ALK: variants seen among roughly 807,000 people sequenced by gnomAD.
ALK encodes the protein ALK receptor tyrosine kinase.
Under a neutral mutation model 163.1 loss-of-function variants are expected in ALK, and 74 were observed. The observed-to-expected ratio is 0.45, with a 90% CI of 0.38 to 0.55. The LOEUF is 0.55. Among genes scored for constraint, ALK ranks in the 20% least tolerant of loss-of-function variants. The pLI is 0.00. For missense variants in ALK, 2,063 were observed against 2,105.3 expected, an observed-to-expected ratio of 0.98 and a Z score of 0.39; for synonymous variants, 960 against 843.2, an observed-to-expected ratio of 1.14 and a Z score of -2.40.
At chr2:29,498,368 T>C (rs1189262759) in intron 4 of ALK, among the ~76,000 whole-genome samples, 1 of 121,534 alleles carries the variant, frequency 8.2e-6, no homozygotes, top group Non-Finnish European at 1.9e-5. Flanking sequence ...TTTTGAACTG[T>C]GATTTTTTTT....
At chr2:29,382,868 A>C (rs1387488174) in intron 5 of ALK, among the ~76,000 whole-genome samples, 1 of 152,234 alleles carries the variant, frequency 6.6e-6, no homozygotes, top group Non-Finnish European at 1.5e-5. Flanking sequence ...AAAATACACT[A>C]TAAAATTTCC....
intron 1 of ALK, among the ~76,000 whole-genome samples, chr2:29,818,498 G>T (rs1223843368): frequency 6.6e-6 from 1 of 152,268 alleles, no homozygotes; most frequent in East Asian, 1.9e-4. Flanking sequence ...CCAACACGCT[G>T]GCTGGGAACA....
At chr2:29,827,912 A>G (rs1378001089) in intron 1 of ALK, among the ~76,000 whole-genome samples, 1 of 152,248 alleles carries the variant, frequency 6.6e-6, no homozygotes, top group Admixed American at 6.5e-5. Flanking sequence ...TCTGACTTCA[A>G]ACTATACTAC....
chr2:29,866,586 C>T (rs1281495544), intron 1 of ALK, among the ~76,000 whole-genome samples: 2 of 152,174 alleles, frequency 1.3e-5, no homozygotes, highest in Non-Finnish European at 2.9e-5. Flanking sequence ...GTTCCATTTA[C>T]AGGCTATACT....
At chr2:29,656,910 AC>A (rs1338551237) in intron 3 of ALK, among the ~76,000 whole-genome samples, 1 of 152,018 alleles carries the variant, frequency 6.6e-6, no homozygotes, top group Middle Eastern at 3.2e-3. Flanking sequence ...AAAACTCAGA[AC>A]CTTTTTTCCT....
chr2:29,458,360 C>T (rs1421994503), intron 4 of ALK, among the ~76,000 whole-genome samples: 2 of 152,086 alleles, frequency 1.3e-5, no homozygotes, highest in African/African-American at 4.8e-5. Flanking sequence ...TTCAGAGACG[C>T]TATGTTGTAA....
chr2:29,684,087 T>C (rs569587348), intron 3 of ALK, among the ~76,000 whole-genome samples: 1 of 152,296 alleles, frequency 6.6e-6, no homozygotes, highest in Non-Finnish European at 1.5e-5. Context: ...TTATTCTTTC[T>C]TGCAAGGTCC....
At chr2:29,463,766 A>C (rs1282660818) in intron 4 of ALK, among the ~76,000 whole-genome samples, 1 of 152,182 alleles carries the variant, frequency 6.6e-6, no homozygotes, top group Admixed American at 6.5e-5. Flanking sequence ...CGTCCCCTTG[A>C]GTCTTTGGCT....
At chr2:29,739,319 G>A (rs760791933) in intron 1 of ALK, among the ~76,000 whole-genome samples, 24 of 149,676 alleles carry the variant, frequency 1.6e-4, no homozygotes, top group Non-Finnish European at 3.4e-4. Context: ...CAGCACGCTG[G>A]GAGCCCAAGG....
At chr2:29,358,950 T>C (rs959695850) in intron 5 of ALK, among the ~76,000 whole-genome samples, 1 of 152,134 alleles carries the variant, frequency 6.6e-6, no homozygotes, top group South Asian at 2.1e-4. Context: ...CAGCACAGGA[T>C]TTTTCCACTA....
At chr2:29,916,550 G>A (rs1031816221) in intron 1 of ALK, among the ~76,000 whole-genome samples, 1 of 152,122 alleles carries the variant, frequency 6.6e-6, no homozygotes, top group East Asian at 1.9e-4. Flanking sequence ...TGCTCTCTCT[G>A]CCCACTCCAG....
chr2:29,834,839 A>G (rs1665515104), intron 1 of ALK, among the ~76,000 whole-genome samples: 1 of 152,228 alleles, frequency 6.6e-6, no homozygotes, highest in Non-Finnish European at 1.5e-5. Context: ...ATCTGCCTTC[A>G]GCACTAACAG....
chr2:29,200,975 T>C (rs997517631), intron 26 of ALK, among the ~76,000 whole-genome samples: 12 of 151,678 alleles, frequency 7.9e-5, no homozygotes, highest in Non-Finnish European at 1.8e-4. Context: ...CTGTTAAACA[T>C]TTGAATCGAT....
rs545625315 is a variant in ALK at position 29,513,057 on chromosome 2, GA to G, written c.1154+18857del. On this transcript the variant is annotated intron_variant, in intron 4 of 28. Coordinates refer to ENST00000389048, the MANE Select transcript of ALK (RefSeq NM_004304.5). ...CATGGGTAGGAAGAATCAATATCGTGAAAATGGCCATACTGCCCAAGGTAAT... is the reference window on the plus strand; with the variant it reads ...CATGGGTAGGAAGAATCAATATCGTGAAATGGCCATACTGCCCAAGGTAAT... Among the ~76,000 whole-genome samples the G allele has an allele frequency of 4.0e-3, 607 of 151,606 alleles. 7 individuals are homozygous for G. Among genetic ancestry groups the G allele is most frequent in the African/African-American group, 0.014 (587 of 41,100 alleles).
intron 4 of ALK, among the ~76,000 whole-genome samples, chr2:29,506,161 G>C (rs957305306): frequency 2.6e-5 from 4 of 152,188 alleles, no homozygotes; most frequent in Non-Finnish European, 5.9e-5. Flanking sequence ...GGTGGCAAGA[G>C]GACTTGATTT....
At chr2:29,418,240 G>A (rs1248800227) in intron 4 of ALK, among the ~76,000 whole-genome samples, 1 of 152,098 alleles carries the variant, frequency 6.6e-6, no homozygotes, top group African/African-American at 2.4e-5. Context: ...CCTTTTACAT[G>A]CTCTGTCTGG....
rs1427866537 is a variant in ALK at position 29,250,550 on chromosome 2, C to T, written c.2204+555G>A. On this transcript the variant is annotated intron_variant, in intron 12 of 28. Transcript: ENST00000389048. Reference sequence around the variant, plus strand: ...CTCCAGTCTTACCATTAGCTTCATTCAATGCCATGGCCTCAAAGTGGCCAA... The same window carrying T: ...CTCCAGTCTTACCATTAGCTTCATTTAATGCCATGGCCTCAAAGTGGCCAA... 3.3e-5 allele frequency among the ~76,000 whole-genome samples: 5 copies of T among 152,176 alleles called. No homozygotes were observed. In the East Asian group the frequency reaches 7.7e-4, roughly 23 times the overall value.
Position 29,822,866 on chromosome 2 carries a change from T to C in ALK, c.667+97127A>G, listed in dbSNP as rs558315570. 6.3e-4 allele frequency among the ~76,000 whole-genome samples: 96 copies of C among 152,344 alleles called. 1 individual carries two copies. The highest frequency in any genetic ancestry group is 2.2e-3 in the African/African-American group (91 of 41,572). ...CAAGTGAGGCTGTTGGTTATATTCT[T>C]CCTAAGGACTCTCTCAGTTCTGGCT... is the stretch of plus-strand genomic sequence containing the variant. On this transcript the variant is annotated intron_variant, in intron 1 of 28. Transcript: ENST00000389048.
intron 3 of ALK, among the ~76,000 whole-genome samples, chr2:29,559,763 A>G (rs1019444307): frequency 1.8e-4 from 12 of 67,712 alleles, no homozygotes; most frequent in Non-Finnish European, 3.4e-4. Flanking sequence ...ACAGGGGAGC[A>G]TGTACGTGTG....
Sources: gnomAD v4.1 joint callset for allele counts (sites outside exome capture counted in the v4.1 genomes callset) on GRCh38, gnomAD v4.1.1 for gene constraint, MANE v1.5 for transcripts, NCBI Gene and HGNC (gene_info 2026-07-23, HGNC 2026-07-21) for gene names.